IFT140: variants seen among roughly 807,000 people sequenced by gnomAD.
IFT140 encodes intraflagellar transport 140, also known as intraflagellar transport protein 140 homolog.
In IFT140, 133 loss-of-function variants were observed where a neutral mutation model predicts 164.6. That is an observed-to-expected ratio of 0.81 (90% confidence interval 0.70 to 0.93). The LOEUF (loss-of-function observed/expected upper bound fraction) is 0.93, where lower values mean the gene tolerates loss of function less well. Ranked by LOEUF, IFT140 falls within the 40% of genes least tolerant of loss-of-function variation. The probability of loss-of-function intolerance (pLI) is 0.00; values close to 1 mark genes in which losing one functional copy is unlikely to be tolerated. For synonymous variants in IFT140, 860 were observed against 817.3 expected (o/e 1.05, Z -0.89); for missense variants, 2,045 against 1,972.3 (o/e 1.04, Z -0.70).
chr16:1,608,700 A>G (rs960694670), intron 2 of IFT140, among the ~76,000 whole-genome samples: 12 of 151,828 alleles, frequency 7.9e-5, no homozygotes, highest in African/African-American at 2.7e-4. Context: ...TGGGCAATTT[A>G]AAATAGCAAA....
intron 19 of IFT140, among the ~76,000 whole-genome samples, chr16:1,552,620 T>C (rs2032747902): frequency 6.6e-6 from 1 of 152,066 alleles, no homozygotes; most frequent in African/African-American, 2.4e-5. Context: ...AGAAGTTTCC[T>C]TTGTTAGTAT....
chr16:1,588,105 T>C, intron 7 of IFT140, 81 bp from the exon 8 acceptor site: 2 of 1,126,166 alleles, frequency 1.8e-6, no homozygotes, highest in Non-Finnish European at 2.6e-6. Flanking sequence ...GAGTCTCTGG[T>C]CCTCAGTGAC....
chr16:1,595,489 C>G (rs558012775), intron 4 of IFT140, among the ~76,000 whole-genome samples: 1 of 151,422 alleles, frequency 6.6e-6, no homozygotes, highest in East Asian at 2.0e-4. Flanking sequence ...TTGGTGCACA[C>G]CTGTAGTCCC....
intron 2 of IFT140, 29 bp from the exon 3 acceptor site, chr16:1,607,326 A>C (rs1426206550): frequency 6.5e-7 from 1 of 1,541,912 alleles, no homozygotes; most frequent in Non-Finnish European, 8.8e-7. Flanking sequence ...GACCAAGTCC[A>C]ATCAGTTTTA....
At position 1,520,090 on chromosome 16, in the gene IFT140, C is replaced by A. The variant is rs756593155; in HGVS notation, c.3873+41G>T. On this transcript the variant is annotated intron_variant, in intron 28 of 30. Transcript: ENST00000426508. Reference sequence around the variant, plus strand: ...GTCAAGACCTGCCGGGCTCCACAGCCCTCCCCGGGGCCCCGCTGGCATGCC... The same window carrying A: ...GTCAAGACCTGCCGGGCTCCACAGCACTCCCCGGGGCCCCGCTGGCATGCC... 3.7e-6 allele frequency: 6 copies of A among 1,610,412 alleles called. No individual in the cohort carries two copies. The South Asian group carries it at 6.6e-5, about 18-fold the overall frequency.
At chr16:1,583,004 CA>C (rs2034657782) in intron 12 of IFT140, among the ~76,000 whole-genome samples, 1 of 152,226 alleles carries the variant, frequency 6.6e-6, no homozygotes, top group Non-Finnish European at 1.5e-5. Flanking sequence ...GGCCTTGGGT[CA>C]AGACACCACA....
chr16:1,534,186 C>T (rs1431266250), intron 19 of IFT140: 2 of 1,537,924 alleles, frequency 1.3e-6, no homozygotes, highest in African/African-American at 2.8e-5. Flanking sequence ...TGTCCTCTAG[C>T]CACCCCTAGC....
At chr16:1,526,282 G>A in intron 20 of IFT140, 1 of 605,880 alleles carries the variant, frequency 1.7e-6, no homozygotes, top group South Asian at 2.0e-5. Context: ...CCACCAAGGG[G>A]TACCCCACCT....
chr16:1,546,709 C>T (rs971883010), intron 19 of IFT140, among the ~76,000 whole-genome samples: 6 of 152,208 alleles, frequency 3.9e-5, no homozygotes, highest in African/African-American at 1.4e-4. Context: ...CAGGGCCCTC[C>T]CGCCCGCAGC....
chr16:1,610,356 G>T (rs1382705176), intron 2 of IFT140: 1 of 154,886 alleles, frequency 6.5e-6, no homozygotes, highest in African/African-American at 2.4e-5. Flanking sequence ...TTCGCCTCGG[G>T]GGTGTGATGG....
chr16:1,550,193 G>A (rs555013856), intron 19 of IFT140, among the ~76,000 whole-genome samples: 1 of 152,192 alleles, frequency 6.6e-6, no homozygotes, highest in Admixed American at 6.5e-5. Context: ...GTCCACCTTG[G>A]CCTTCCAAAG....
chr16:1,542,144 T>C, intron 19 of IFT140: 1 of 1,456,330 alleles, frequency 6.9e-7, no homozygotes, highest in South Asian at 1.4e-5. Flanking sequence ...CACAGGAGGG[T>C]CCTGAGGCCT....
intron 10 of IFT140, 60 bp from the exon 11 acceptor site, chr16:1,584,480 C>A: frequency 2.2e-6 from 3 of 1,356,658 alleles, no homozygotes; most frequent in East Asian, 2.5e-5. Context: ...GAGAAAGATG[C>A]GGTCAGGAGA....
intron 4 of IFT140, among the ~76,000 whole-genome samples, chr16:1,593,834 C>A (rs1033164018): frequency 3.3e-5 from 5 of 152,100 alleles, no homozygotes; most frequent in Non-Finnish European, 7.4e-5. Flanking sequence ...AGCAGCTCTT[C>A]CCCGGATCCC....
intron 9 of IFT140, among the ~76,000 whole-genome samples, 190 bp from the exon 10 acceptor site, chr16:1,586,465 G>T (rs1216600544): frequency 1.3e-5 from 2 of 152,082 alleles, no homozygotes; most frequent in African/African-American, 4.8e-5. Context: ...CAGTGCGGGG[G>T]TGGTGGGGGA....
At position 1,523,562 on chromosome 16, in the gene IFT140, T is replaced by C; in HGVS notation, c.3409A>G (p.Ser1137Gly). 1 of 1,613,464 alleles carries C rather than the reference T, an allele frequency of 6.2e-7. No homozygotes were observed. The highest frequency in any genetic ancestry group is 1.3e-5 in the African/African-American group (1 of 75,062). The change falls in exon 26 of 31, where the codon AGT becomes GGT. Residue 1137 changes from serine (S) to glycine (G), a missense_variant. By Grantham distance (56) the Ser-to-Gly change is moderately conservative (BLOSUM62 0). Coordinates refer to ENST00000426508, the MANE Select transcript of IFT140 (RefSeq NM_014714.4). ...AGCTCTACCGCCCTCTCGTACTGAC[T>C]GTGCTCGATGAAGAAGTCGGAGCAG... is the stretch of plus-strand genomic sequence containing the variant. The part of the protein sequence containing the change: ...ARCSDFFIEH[S>G]QYERAVELLL...
intron 19 of IFT140, among the ~76,000 whole-genome samples, chr16:1,535,447 A>G (rs2030968079): frequency 6.6e-6 from 1 of 152,158 alleles, no homozygotes; most frequent in Non-Finnish European, 1.5e-5. Flanking sequence ...TGACTCGCAG[A>G]CACCCCAAGT....
At chr16:1,594,411 G>A (rs764714356) in intron 4 of IFT140, among the ~76,000 whole-genome samples, 18 of 151,962 alleles carry the variant, frequency 1.2e-4, no homozygotes, top group Non-Finnish European at 2.4e-4. Context: ...TGTACAGATG[G>A]GGTCGCACTA....
chr16:1,603,931 T>G (rs923131842), intron 3 of IFT140, among the ~76,000 whole-genome samples: 1 of 152,228 alleles, frequency 6.6e-6, no homozygotes, highest in African/African-American at 2.4e-5. Flanking sequence ...GATCACTATT[T>G]TGAAATCCTG....
Sources: allele counts gnomAD v4.1 joint callset (sites outside exome capture counted in the v4.1 genomes callset), GRCh38; gene constraint gnomAD v4.1.1; transcripts MANE v1.5; gene names NCBI Gene and HGNC (gene_info 2026-07-23, HGNC 2026-07-21).